CCDC7: variants seen among roughly 807,000 people sequenced by gnomAD.
CCDC7 encodes the protein coiled-coil domain-containing protein 7.
In CCDC7, 183 loss-of-function variants were observed where a neutral mutation model predicts 196.9. The ratio of observed to expected loss-of-function variants is 0.93; its 90% CI spans 0.82 to 1.05. The LOEUF (loss-of-function observed/expected upper bound fraction) is 1.05. CCDC7 is among the 50% of genes least tolerant of loss of function. The pLI, the probability that CCDC7 is intolerant of heterozygous loss-of-function variation, is 0.00. For synonymous variants in CCDC7, 525 were observed against 484.6 expected (o/e 1.08, Z -1.10); for missense variants, 1,540 against 1,482.2 (o/e 1.04, Z -0.64).
At chr10:32,824,475 T>C (rs1417898573) in intron 31 of CCDC7, 43 bp from the exon 33 acceptor site, 14 of 1,289,094 alleles carry the variant, frequency 1.1e-5, no homozygotes, top group Non-Finnish European at 1.3e-5. Flanking sequence ...ATGTTAATAT[T>C]TACATTAAAA....
intron 20 of CCDC7, among the ~76,000 whole-genome samples, chr10:32,642,166 C>T (rs1268648953): frequency 6.6e-6 from 1 of 152,182 alleles, no homozygotes; most frequent in Admixed American, 6.5e-5. Context: ...AACCACTACT[C>T]TCTTCAAAGC....
At chr10:32,531,777 G>A (rs1322212655) in intron 11 of CCDC7, among the ~76,000 whole-genome samples, 1 of 152,084 alleles carries the variant, frequency 6.6e-6, no homozygotes. Flanking sequence ...GTTCAATCTT[G>A]GTAGGTTGAG....
At chr10:32,508,070 A>G (rs2045491035) in intron 9 of CCDC7, among the ~76,000 whole-genome samples, 2 of 152,238 alleles carry the variant, frequency 1.3e-5, no homozygotes, top group East Asian at 3.8e-4. Context: ...TCCAAATCAG[A>G]ATAGAAGAAG....
intron 29 of CCDC7, among the ~76,000 whole-genome samples, chr10:32,803,389 C>G (rs921968837): frequency 7.2e-5 from 11 of 152,154 alleles, no homozygotes; most frequent in African/African-American, 2.7e-4. Flanking sequence ...CTCCTTAGCT[C>G]TAATAATAAT....
At chr10:32,582,860 A>G (rs2058874048) in intron 16 of CCDC7, among the ~76,000 whole-genome samples, 174 bp from the exon 18 acceptor site, 2 of 152,202 alleles carry the variant, frequency 1.3e-5, no homozygotes, top group Non-Finnish European at 2.9e-5. Flanking sequence ...CACAGGACAT[A>G]TGTTACTATC....
rs536031654 is a variant in CCDC7, at chr10:32,637,455, C to A, written c.2014+2297C>A. Among the ~76,000 whole-genome samples the A allele has an allele frequency of 2.1e-4, 32 of 152,290 alleles. No individual in the cohort carries two copies. The South Asian group carries it at 6.4e-3, about 31-fold the overall frequency. ...TTTCAGCTTTCTCCATATGGCTAGC[C>A]AGTTTTCCCAGCACCATTTATTAAC... On this transcript the variant is annotated intron_variant, in intron 20 of 41. Transcript: ENST00000639629.
chr10:32,445,407 T>C (rs1352728201), upstream of CCDC7, among the ~76,000 whole-genome samples: 1 of 152,226 alleles, frequency 6.6e-6, no homozygotes, highest in Non-Finnish European at 1.5e-5. Flanking sequence ...AGTTGAAATC[T>C]ACTAAGTCAA....
At position 32,821,030 on chromosome 10, in the gene CCDC7, A is replaced by G. The variant is rs529366630; in HGVS notation, c.3182-3488A>G. On this transcript the variant is annotated intron_variant, in intron 31 of 41. Transcript: ENST00000639629. ...AAACTACCATCAGAGTGAACAGGCA[A>G]CCTACAGAATGGGAGAAAATTTTTA... is the stretch of plus-strand genomic sequence containing the variant. Among the ~76,000 whole-genome samples, 39 of 152,320 alleles carry G rather than the reference A, an allele frequency of 2.6e-4. No individual in the cohort carries two copies. The East Asian group carries it at 7.5e-3, about 29-fold the overall frequency.
intron 16 of CCDC7, among the ~76,000 whole-genome samples, chr10:32,575,941 A>G (rs2058137595): frequency 6.6e-6 from 1 of 152,164 alleles, no homozygotes; most frequent in African/African-American, 2.4e-5. Flanking sequence ...CAACATCCTA[A>G]TAAGTTCACA....
intron 29 of CCDC7, among the ~76,000 whole-genome samples, chr10:32,803,776 G>A (rs1425496442): frequency 6.6e-6 from 1 of 151,998 alleles, no homozygotes; most frequent in Non-Finnish European, 1.5e-5. Flanking sequence ...TTGTCATTTT[G>A]TTGTCTTCTA....
In CCDC7 at chr10:32,664,936, G is replaced by A. The variant is rs545157571; in HGVS notation, c.2122+775G>A. 5.3e-5 allele frequency among the ~76,000 whole-genome samples: 8 copies of A among 152,140 alleles called. No individual in the cohort carries two copies. In the East Asian group the frequency reaches 1.2e-3, roughly 22 times the overall value. ...ACTAATTTACATTCCCACCAACAGT[G>A]TACAAGTGTTCCCTTCTCTTCACAT... On this transcript the variant is annotated intron_variant, in intron 21 of 41. Transcript: ENST00000639629.
downstream of CCDC7, among the ~76,000 whole-genome samples, chr10:32,878,975 T>C (rs2094689527): frequency 6.6e-6 from 1 of 152,118 alleles, no homozygotes; most frequent in Non-Finnish European, 1.5e-5. Flanking sequence ...ATAAAATGTA[T>C]GGGGCCATTC....
intron 20 of CCDC7, among the ~76,000 whole-genome samples, chr10:32,648,992 A>T (rs2068250299): frequency 6.6e-6 from 1 of 152,234 alleles, no homozygotes; most frequent in African/African-American, 2.4e-5. Context: ...AAGGAACCAG[A>T]TCATGTCCTT....
At chr10:32,653,547 A>T (rs985356839) in intron 20 of CCDC7, among the ~76,000 whole-genome samples, 17 of 152,276 alleles carry the variant, frequency 1.1e-4, no homozygotes, top group East Asian at 9.7e-4. Context: ...GTTCTTGTGA[A>T]GGTGTATTCT....
intron 25 of CCDC7, among the ~76,000 whole-genome samples, chr10:32,726,127 T>C (rs1372628181): frequency 6.6e-6 from 1 of 152,124 alleles, no homozygotes; most frequent in Non-Finnish European, 1.5e-5. Flanking sequence ...TGTTTTTTTC[T>C]GATTGGTTAT....
At chr10:32,521,061 T>C (rs2047803955) in intron 11 of CCDC7, among the ~76,000 whole-genome samples, 2 of 152,274 alleles carry the variant, frequency 1.3e-5, no homozygotes, top group South Asian at 4.1e-4. Context: ...GGTTCTCTTC[T>C]GTTCCATTGG....
intron 20 of CCDC7, among the ~76,000 whole-genome samples, chr10:32,641,471 C>T (rs913441663): frequency 7.9e-5 from 12 of 152,316 alleles, no homozygotes; most frequent in African/African-American, 2.9e-4. Context: ...GCATTTGTCA[C>T]GTAGTTCTCA....
intron 13 of CCDC7, among the ~76,000 whole-genome samples, chr10:32,565,229 A>G (rs1410514339): frequency 1.3e-5 from 2 of 152,182 alleles, no homozygotes; most frequent in Admixed American, 1.3e-4. Flanking sequence ...AACAATGTTT[A>G]TTTTGTGTTA....
chr10:32,834,485 G>GGAAAC (rs1565653713), intron 32 of CCDC7, among the ~76,000 whole-genome samples: 1 of 151,766 alleles, frequency 6.6e-6, no homozygotes, highest in Non-Finnish European at 1.5e-5. Flanking sequence ...GTTTGGAAAA[G>GGAAAC]AGGCAGCATT....
Sources: gnomAD v4.1 joint callset for allele counts (sites outside exome capture counted in the v4.1 genomes callset) on GRCh38, gnomAD v4.1.1 for gene constraint, MANE v1.5 for transcripts, NCBI Gene and HGNC (gene_info 2026-07-23, HGNC 2026-07-21) for gene names.